TTYH1: variants seen among roughly 807,000 people sequenced by gnomAD.
TTYH1 encodes the protein protein tweety homolog 1.
In TTYH1, 33 loss-of-function variants were observed where a neutral mutation model predicts 61.2. That is an observed-to-expected ratio of 0.54 (90% CI 0.41 to 0.72). The LOEUF (loss-of-function observed/expected upper bound fraction) is 0.72. Among genes scored for constraint, TTYH1 ranks in the 30% least tolerant of loss-of-function variants. The pLI is 0.00. For synonymous variants in TTYH1, 308 were observed against 266.4 expected (o/e 1.16, Z -1.52); for missense variants, 538 against 575.8 (o/e 0.93, Z 0.67).
Position 54,426,841 on chromosome 19 carries a change from C to T in TTYH1, c.734+73C>T. ...GGCAGGCAGGACCTCAGTCTTACAA[C>T]TCTCCTACACGGAGGACCGTGGTCC... On this transcript the variant is annotated intron_variant, in intron 5 of 13. Transcript: ENST00000376530. 7 of 1,350,116 alleles carry T rather than the reference C, an allele frequency of 5.2e-6. No individual in the cohort carries two copies. The South Asian group carries it at 8.4e-5, about 16-fold the overall frequency. The allele number at this position is 1,350,116 out of a possible 1,614,324, so 83.6% of individuals were successfully genotyped here.
rs565193783 is a variant in TTYH1 at position 54,421,029 on chromosome 19, C to G, written c.306-248C>G. 6.6e-6 allele frequency among the ~76,000 whole-genome samples: 1 copy of G among 152,122 alleles called. No individual in the cohort carries two copies. Among genetic ancestry groups the G allele is most frequent in the African/African-American group, 2.4e-5 (1 of 41,418 alleles). ...GTTAAATCGGGGGCTCCCTCCCCCC[C>G]ACCACTCCACCCACCATTAACATCA... On this transcript the variant is annotated intron_variant, in intron 2 of 13. Coordinates refer to ENST00000376530, the MANE Select transcript of TTYH1 (RefSeq NM_020659.4). This position sits in a 1 kb window ranked among gnomAD's most constrained non-coding sequence, Gnocchi z 4.8.
chr19:54,436,226 G>A lies in TTYH1; in HGVS notation c.*42+55G>A, dbSNP rs376771548. 2.8e-4 allele frequency: 445 copies of A among 1,606,176 alleles called. 3 individuals are homozygous for A. Among genetic ancestry groups the A allele is most frequent in the Non-Finnish European group, 1.4e-4 (166 of 1,174,004 alleles). On this transcript the variant is annotated intron_variant, in intron 13 of 13. Transcript: ENST00000376530. The surrounding 1 kb of genome is among the most constrained non-coding windows in gnomAD (Gnocchi z 4.3). The stretch of plus-strand genomic sequence containing the variant: ...GCAGCCGGGCCTCTGCCCCCCTCCC[G>A]CCCTCCGAGCTGCTCCAGGCATGGG...
chr19:54,430,780 T>A (rs1321627796), intron 8 of TTYH1, 33 bp from the exon 9 acceptor site: 3 of 1,608,240 alleles, frequency 1.9e-6, no homozygotes, highest in Non-Finnish European at 2.6e-6. Context: ...CGTATACTCC[T>A]GGGTCCTCCT....
chr19:54,432,813 G>C (rs905877325), intron 10 of TTYH1: 14 of 152,224 alleles, frequency 9.2e-5, no homozygotes, highest in African/African-American at 3.1e-4. Context: ...AATGTAACTG[G>C]AAGTCCTGAA....
chr19:54,416,610 G>T lies in TTYH1; in HGVS notation c.126+932G>T. ...GTCTTGGGTTGCTCCTGGGAGAAGG[G>T]GGCTGGGATTGGAGAGCTCAGGGGG... On this transcript the variant is annotated intron_variant, in intron 1 of 13. Coordinates refer to ENST00000376530, the MANE Select transcript of TTYH1 (RefSeq NM_020659.4). The surrounding 1 kb of genome is among the most constrained non-coding windows in gnomAD (Gnocchi z 7.0). 2 of 547,804 alleles carry T rather than the reference G, an allele frequency of 3.7e-6. No homozygotes were observed. The highest frequency in any genetic ancestry group is 3.6e-5 in the Admixed American group (1 of 27,884). 33.9% of individuals were successfully genotyped at this position (547,804 alleles called of 1,614,324 possible).
chr19:54,427,329 G>A (rs1412670797), intron 5 of TTYH1, among the ~76,000 whole-genome samples: 1 of 142,728 alleles, frequency 7.0e-6, no homozygotes, highest in African/African-American at 2.6e-5. Flanking sequence ...AAAAAGGCTG[G>A]GCGTGGTGGC....
intron 12 of TTYH1, 38 bp downstream of exon 12, chr19:54,435,911 G>T (rs747685622): frequency 2.5e-6 from 4 of 1,610,200 alleles, no homozygotes; most frequent in African/African-American, 1.3e-5. Context: ...AGGGGCGGGG[G>T]GTCCTGAACT....
chr19:54,427,606 A>AAACAAC (rs1218519237), intron 5 of TTYH1, among the ~76,000 whole-genome samples: 21,388 of 111,630 alleles, frequency 0.19, 1,839 homozygotes, highest in Middle Eastern at 0.33. Flanking sequence ...TCCATTTCAA[A>AAACAAC]AACAACAACA....
Position 54,420,956 on chromosome 19 carries a change from C to A in TTYH1, c.306-321C>A. The A allele has an allele frequency of 2.3e-6, 1 of 433,924 alleles. No homozygotes were observed. The highest frequency in any genetic ancestry group is 4.5e-6 in the Non-Finnish European group (1 of 223,916). The allele number at this position is 433,924 out of a possible 1,614,324, so 26.9% of individuals were successfully genotyped here. A position where few individuals can be genotyped will look rare whatever the true frequency, so the allele number is the denominator to read the frequency against. ...GCAGTCCTAGGGAGGGGAAGACGGCCCATCCCGGAGCTGGGTGTGACTGGG... is the reference window on the plus strand; with the variant it reads ...GCAGTCCTAGGGAGGGGAAGACGGCACATCCCGGAGCTGGGTGTGACTGGG... On this transcript the variant is annotated intron_variant, in intron 2 of 13. Transcript: ENST00000376530. The surrounding 1 kb of genome is among the most constrained non-coding windows in gnomAD (Gnocchi z 4.8).
At chr19:54,425,756 C>T (rs1450232666) in intron 4 of TTYH1, among the ~76,000 whole-genome samples, 1 of 152,026 alleles carries the variant, frequency 6.6e-6, no homozygotes, top group Non-Finnish European at 1.5e-5. Flanking sequence ...ACTCTTGTCG[C>T]CCAGGCTGGA....
In TTYH1 at chr19:54,436,569, T is replaced by A. The variant is rs1030297957; in HGVS notation, c.*279T>A. On this transcript the variant is annotated 3_prime_UTR_variant, in exon 14 of 14. Transcript: ENST00000376530. The surrounding 1 kb of genome is among the most constrained non-coding windows in gnomAD (Gnocchi z 4.3). The stretch of plus-strand genomic sequence containing the variant: ...CCTTCATCCCTGGCTGCCGGTCCCA[T>A]CCTTGGAGGGACTAAGCTGGGGGTG... The A allele has an allele frequency of 2.3e-4, 143 of 630,648 alleles. No individual in the cohort carries two copies. The highest frequency in any genetic ancestry group is 3.3e-4 in the Non-Finnish European group (119 of 355,548). 39.1% of individuals were successfully genotyped at this position (630,648 alleles called of 1,614,324 possible). A position where few individuals can be genotyped will look rare whatever the true frequency, so the allele number is the denominator to read the frequency against.
intron 10 of TTYH1, chr19:54,433,577 TAGG>T (rs2083481453): frequency 1.1e-5 from 1 of 92,130 alleles, no homozygotes; most frequent in African/African-American, 4.0e-5. Flanking sequence ...AAAAAAAAAA[TAGG>T]AGGGGGCTAG....
At position 54,420,479 on chromosome 19, in the gene TTYH1, G is replaced by A. The variant is rs1009218211; in HGVS notation, c.306-798G>A. ...TGGGCGTCCGACCCGAGGGATGGGGGTGGAGGCCCAGCCGGGGCTGGGAAC... is the reference window on the plus strand; with the variant it reads ...TGGGCGTCCGACCCGAGGGATGGGGATGGAGGCCCAGCCGGGGCTGGGAAC... On this transcript the variant is annotated intron_variant, in intron 2 of 13. Transcript: ENST00000376530. The surrounding 1 kb of genome is among the most constrained non-coding windows in gnomAD (Gnocchi z 4.8). 3.3e-5 allele frequency among the ~76,000 whole-genome samples: 5 copies of A among 152,018 alleles called. No homozygotes were observed. In the South Asian group the frequency reaches 1.0e-3, roughly 31 times the overall value.
At chr19:54,423,989 C>T (rs150715658) in intron 4 of TTYH1, among the ~76,000 whole-genome samples, 8 of 152,048 alleles carry the variant, frequency 5.3e-5, no homozygotes, top group East Asian at 3.9e-4. Flanking sequence ...GGTGAAATCC[C>T]GTCGCTACTA....
Position 54,416,182 on chromosome 19 carries a change from G to C in TTYH1, c.126+504G>C. The C allele has an allele frequency of 1.4e-6, 1 of 704,814 alleles. No homozygotes were observed. The allele number at this position is 704,814 out of a possible 1,614,324, so 43.7% of individuals were successfully genotyped here. A position where few individuals can be genotyped will look rare whatever the true frequency, so the allele number is the denominator to read the frequency against. Reference sequence around the variant, plus strand: ...GGATTGAGAGTCTGAAATGGGGAAGGGGGCTTCAGGGGCTGAGGACCAGGG... The same window carrying C: ...GGATTGAGAGTCTGAAATGGGGAAGCGGGCTTCAGGGGCTGAGGACCAGGG... On this transcript the variant is annotated intron_variant, in intron 1 of 13. Transcript: ENST00000376530. The surrounding 1 kb of genome is among the most constrained non-coding windows in gnomAD (Gnocchi z 7.0).
chr19:54,424,390 G>A (rs1340066180), intron 4 of TTYH1, among the ~76,000 whole-genome samples: 1 of 152,212 alleles, frequency 6.6e-6, no homozygotes, highest in African/African-American at 2.4e-5. Context: ...CCCTGCCCGC[G>A]GGGCATGCGC....
chr19:54,422,552 C>T, intron 4 of TTYH1, 142 bp downstream of exon 4: 1 of 678,430 alleles, frequency 1.5e-6, no homozygotes, highest in South Asian at 1.9e-5. Context: ...TGGGTAGAGC[C>T]CAGGAACTGT....
At chr19:54,423,387 G>A (rs567918470) in intron 4 of TTYH1, among the ~76,000 whole-genome samples, 98 of 152,012 alleles carry the variant, frequency 6.4e-4, no homozygotes, top group Middle Eastern at 3.4e-3. Context: ...TAGTAGAAAC[G>A]GGGTTTCACC....
chr19:54,435,492 C>T (rs200148864), intron 10 of TTYH1, 50 bp from the exon 11 acceptor site: 200 of 1,545,740 alleles, frequency 1.3e-4, no homozygotes, highest in Admixed American at 4.1e-4. Flanking sequence ...CAGTGTGTGC[C>T]GATGGGGGAG....
Sources: gnomAD v4.1 joint callset for allele counts (sites outside exome capture counted in the v4.1 genomes callset) on GRCh38, gnomAD v4.1.1 for gene constraint, Gnocchi (gnomAD v3.1) non-coding constraint, MANE v1.5 for transcripts, NCBI Gene and HGNC (gene_info 2026-07-23, HGNC 2026-07-21) for gene names.